BRD3: variants seen among roughly 807,000 people sequenced by gnomAD.
BRD3 encodes bromodomain containing 3, also known as bromodomain-containing protein 3.
In BRD3, 17 loss-of-function variants were observed where a neutral mutation model predicts 66.8. That is an observed-to-expected ratio of 0.25 (90% CI 0.17 to 0.38). The LOEUF is 0.38. BRD3 is among the 10% of genes least tolerant of loss of function. The pLI is 1.00. For missense variants in BRD3, 713 were observed against 956.1 expected, an observed-to-expected ratio of 0.75 and a Z score of 3.35; for synonymous variants, 421 against 393.2, an observed-to-expected ratio of 1.07 and a Z score of -0.84.
Position 134,048,414 on chromosome 9 carries a change from G to A in BRD3, c.755C>T (p.Thr252Met), listed in dbSNP as rs1830222226. 5.0e-6 allele frequency: 8 copies of A among 1,598,524 alleles called. No individual in the cohort carries two copies. Among genetic ancestry groups the A allele is most frequent in the Non-Finnish European group, 5.1e-6 (6 of 1,179,904 alleles). ...CCGGCTGGCAGTGATGGCCGACGTCGTGGGAGTGGTTGTGTCTGCTTTCCG... is the reference window on the plus strand; with the variant it reads ...CCGGCTGGCAGTGATGGCCGACGTCATGGGAGTGGTTGTGTCTGCTTTCCG... ...VKRKADTTTP[T>M]TSAITASRSE... is the part of the protein sequence containing the mutation. Residue 252 changes from threonine to methionine, a missense_variant, in exon 6 of 12, where the codon ACG becomes ATG. Physicochemically the swap from Thr to Met is moderately conservative, Grantham distance 81. Around this residue, in one of 5 missense-constraint regions of BRD3, gnomAD observed 418 missense variants for 609.3 expected, o/e 0.69. Transcript: ENST00000303407.
rs550352346 is a variant in BRD3 at position 134,036,089 on chromosome 9, G to A, written c.1879C>T (p.Arg627Trp). ...DFETLKPTTLRELERYVKSCL... is the reference protein window; with the variant it reads ...DFETLKPTTLWELERYVKSCL... ...GACTTGACATATCTCTCCAGTTCCC[G>A]CAAAGTGGTGGGTTTCAGAGTCTCA... The change falls in exon 10 of 12, where the codon CGG (arginine) becomes TGG (tryptophan). Residue 627 changes from arginine to tryptophan, a missense_variant. Arg to Trp is a moderately radical substitution (Grantham distance 101). Coordinates refer to ENST00000303407, the MANE Select transcript of BRD3 (RefSeq NM_007371.4). 5.0e-6 allele frequency: 8 copies of A among 1,614,092 alleles called. No homozygotes were observed. The highest frequency in any genetic ancestry group is 2.2e-5 in the East Asian group (1 of 44,892).
chr9:134,039,701 G>C (rs1202921403), intron 9 of BRD3, among the ~76,000 whole-genome samples: 1 of 152,234 alleles, frequency 6.6e-6, no homozygotes, highest in East Asian at 1.9e-4. Context: ...CTGCCTATGG[G>C]CAAGTCCAAA....
At position 134,053,631 on chromosome 9, in the gene BRD3, C is replaced by T. The variant is rs968520908; in HGVS notation, c.-113-41G>A. On this transcript the variant is annotated intron_variant, in intron 1 of 11. Transcript: ENST00000303407. ...CACAACAGAGAGGAAGGCCAGTCAC[C>T]CCGGGGACCCCCACCTCTCCCAGCC... is the stretch of plus-strand genomic sequence containing the variant. The T allele has an allele frequency of 8.7e-5, 124 of 1,427,610 alleles. No homozygotes were observed. In the African/African-American group the frequency reaches 1.6e-3, roughly 19 times the overall value. 88.4% of individuals were successfully genotyped at this position (1,427,610 alleles called of 1,614,324 possible).
In BRD3 at chr9:134,040,031, C is replaced by T. The variant is rs771058574; in HGVS notation, c.1643+3G>A. 3 of 1,585,190 alleles carry T rather than the reference C, an allele frequency of 1.9e-6. No individual in the cohort carries two copies. Among genetic ancestry groups the T allele is most frequent in the Admixed American group, 1.8e-5 (1 of 56,488 alleles). The stretch of plus-strand genomic sequence containing the variant: ...TTGGAGCCCGAGCAGGTCTGGAGCC[C>T]ACCTGCCGGCCGTGGTCGTGCTGTT... On this transcript the variant is annotated splice_donor_region_variant and intron_variant, in intron 9 of 11. Transcript: ENST00000303407.
intron 1 of BRD3, chr9:134,056,132 C>T (rs1218692830): frequency 1.3e-5 from 2 of 152,298 alleles, no homozygotes; most frequent in African/African-American, 4.8e-5. Context: ...ACGGCAGAGC[C>T]GTCCAAGGCC....
At chr9:134,035,137 G>C (rs553487795) in intron 10 of BRD3, among the ~76,000 whole-genome samples, 112 of 152,316 alleles carry the variant, frequency 7.4e-4, no homozygotes, top group African/African-American at 2.6e-3. Flanking sequence ...GATGCGGTTT[G>C]GCCAACGTCC....
chr9:134,051,895 T>TTG lies in BRD3; in HGVS notation c.352-187_352-186insCA, dbSNP rs1564555953. Among the ~76,000 whole-genome samples the TTG allele has an allele frequency of 1.7e-3, 189 of 111,014 alleles. 3 individuals are homozygous for TTG. The highest frequency in any genetic ancestry group is 8.3e-3 in the African/African-American group (181 of 21,770). The allele number at this position is 111,014 out of a possible 152,430, so 72.8% of individuals were successfully genotyped here. A position where few individuals can be genotyped will look rare whatever the true frequency, so the allele number is the denominator to read the frequency against. On this transcript the variant is annotated intron_variant, in intron 3 of 11. Transcript: ENST00000303407. ...TGTGTGTGTTGTTTTTTTTGTTTTT[T>TTG]TTTTTTTTTTTTTGAGATGGAGTCT...
rs768451289 is a variant in BRD3 at position 134,040,132 on chromosome 9, G to A, written c.1545C>T (p.Ala515=). The A allele has an allele frequency of 3.1e-5, 49 of 1,567,254 alleles. No homozygotes were observed. Among genetic ancestry groups the A allele is most frequent in the East Asian group, 1.4e-4 (6 of 42,274 alleles). ...CCACCTTGGCCTTCTTCTCTTCCTC[G>A]GCCTTCACTTTGTGCTTCTCCTTCT... The part of the protein sequence containing the change: ...EKEKEKHKVK[A]EEEKKAKVAP... Residue 515 remains alanine (A), a synonymous_variant, in exon 9 of 12, where the codon GCC becomes GCT. Coordinates refer to ENST00000303407, the MANE Select transcript of BRD3 (RefSeq NM_007371.4).
chr9:134,045,299 C>T lies in BRD3; in HGVS notation c.1209G>A (p.Lys403=), dbSNP rs1350934426. The T allele has an allele frequency of 1.2e-6, 2 of 1,613,376 alleles. No individual in the cohort carries two copies. Among genetic ancestry groups the T allele is most frequent in the South Asian group, 2.2e-5 (2 of 91,084 alleles). ...PDHEVVAMAR[K]LQDVFEMRFA... ...GTGCCCAGCCTCGGGTTACCTGGAG[C>T]TTCCGGGCCATGGCCACAACCTCGT... is the stretch of plus-strand genomic sequence containing the variant. The change falls in exon 7 of 12, where the codon AAG becomes AAA. Residue 403 remains lysine (K), a synonymous_variant. Transcript: ENST00000303407. The surrounding 1 kb of genome is among the most constrained non-coding windows in gnomAD (Gnocchi z 4.8).
At chr9:134,061,283 G>T (rs559011484) in intron 1 of BRD3, among the ~76,000 whole-genome samples, 13 of 152,372 alleles carry the variant, frequency 8.5e-5, no homozygotes, top group Admixed American at 2.6e-4. Flanking sequence ...TCTCCAGCCT[G>T]GCCTGGGCCC....
intron 3 of BRD3, 63 bp from the exon 4 acceptor site, chr9:134,051,772 T>C: frequency 6.5e-7 from 1 of 1,533,602 alleles, no homozygotes; most frequent in Non-Finnish European, 8.7e-7. Context: ...CAAAGGACAT[T>C]ATTAGTTGTA....
chr9:134,035,435 G>T (rs1843585623), intron 10 of BRD3, among the ~76,000 whole-genome samples: 1 of 152,140 alleles, frequency 6.6e-6, no homozygotes, highest in South Asian at 2.1e-4. Context: ...GGCTGCCTCG[G>T]GTCTGCCCTC....
intron 9 of BRD3, among the ~76,000 whole-genome samples, chr9:134,037,285 C>G (rs936869311): frequency 1.3e-5 from 2 of 151,610 alleles, no homozygotes; most frequent in South Asian, 4.2e-4. Flanking sequence ...AAAAGGACAA[C>G]GCAGGGCTGG....
intron 3 of BRD3, 80 bp from the exon 4 acceptor site, chr9:134,051,789 A>G (rs1298691573): frequency 6.8e-7 from 1 of 1,474,594 alleles, no homozygotes; most frequent in Non-Finnish European, 9.0e-7. Context: ...TGTAGCTCAA[A>G]AAAATATTTA....
chr9:134,064,129 A>G (rs975465450), intron 1 of BRD3, among the ~76,000 whole-genome samples: 1 of 152,200 alleles, frequency 6.6e-6, no homozygotes, highest in Non-Finnish European at 1.5e-5. Flanking sequence ...GCCTCCAGCC[A>G]CACGCACAGG....
chr9:134,058,149 C>A (rs1345373814), intron 1 of BRD3: 3 of 152,350 alleles, frequency 2.0e-5, no homozygotes, highest in African/African-American at 7.2e-5. Context: ...CCACCACAGC[C>A]CATGCGCAGG....
intron 9 of BRD3, among the ~76,000 whole-genome samples, chr9:134,039,196 G>A (rs1204246144): frequency 6.6e-6 from 1 of 152,166 alleles, no homozygotes; most frequent in Non-Finnish European, 1.5e-5. Context: ...TTCCATTCCT[G>A]ATTTCCACTA....
rs10636879 is a variant in BRD3 at position 134,032,439 on chromosome 9, C to CAA, written c.*1149_*1150dup. The CAA allele has an allele frequency of 0.031, 3,582 of 115,184 alleles. 40 individuals carry two copies. Among genetic ancestry groups the CAA allele is most frequent in the African/African-American group, 0.064 (1,333 of 20,742 alleles). The allele number at this position is 115,184 out of a possible 1,614,324, so 7.1% of individuals were successfully genotyped here. On this transcript the variant is annotated 3_prime_UTR_variant, in exon 12 of 12. Transcript: ENST00000303407. ...TACCTGTAAGCCTCCAAGTTTCATA[C>CAA]AAAAAAAAAAAAAAAAAAAAACCAC...
intron 1 of BRD3, 119 bp downstream of exon 1, chr9:134,067,826 C>T (rs1380881669): frequency 1.7e-4 from 24 of 144,322 alleles, no homozygotes; most frequent in African/African-American, 5.7e-4. Context: ...CCGGTTCACC[C>T]GGACGCGCCG....
Sources: allele counts gnomAD v4.1 joint callset (sites outside exome capture counted in the v4.1 genomes callset), GRCh38; gene constraint gnomAD v4.1.1; regional missense constraint gnomAD v4.1.1; non-coding constraint Gnocchi (gnomAD v3.1); transcripts MANE v1.5; gene names NCBI Gene and HGNC (gene_info 2026-07-23, HGNC 2026-07-21).